Variants in LZTR1 observed in about 807,000 individuals in gnomAD.
The protein encoded by LZTR1 is leucine-zipper-like transcriptional regulator 1.
LZTR1 carries 260 observed loss-of-function variants against 105.7 expected under a neutral mutation model. The ratio of observed to expected loss-of-function variants is 2.46; its 90% confidence interval spans 2.22 to 2.72. The LOEUF is 2.72. LZTR1 is among the 30% of genes most tolerant of loss of function. The pLI is 0.00. For synonymous variants in LZTR1, 490 were observed against 476.4 expected (o/e 1.03, Z -0.37); for missense variants, 1,214 against 1,166.9 (o/e 1.04, Z -0.59).
At chr22:20,988,916 G>A (rs1223356166) in intron 6 of LZTR1, 44 bp downstream of exon 6, 1 of 1,553,706 alleles carries the variant, frequency 6.4e-7, no homozygotes, top group Admixed American at 1.7e-5. Flanking sequence ...CGACAGCACT[G>A]AGACCCGGAG....
In LZTR1 at chr22:20,997,582, T is replaced by C. The variant is rs1178515280; in HGVS notation, c.*234T>C. The C allele has an allele frequency of 2.1e-6, 1 of 483,320 alleles. No individual in the cohort carries two copies. Among genetic ancestry groups the C allele is most frequent in the Non-Finnish European group, 3.8e-6 (1 of 263,288 alleles). 29.9% of individuals were successfully genotyped at this position (483,320 alleles called of 1,614,324 possible). On this transcript the variant is annotated 3_prime_UTR_variant, in exon 21 of 21. Transcript: ENST00000646124. ...TGATGAAGCAGACCCCCTCCTGTCATCACCCTCTCCTGGTGTAGTGTGGAT... is the reference window on the plus strand; with the variant it reads ...TGATGAAGCAGACCCCCTCCTGTCACCACCCTCTCCTGGTGTAGTGTGGAT...
chr22:20,996,511 G>A (rs897055135), intron 18 of LZTR1, 185 bp from the exon 19 acceptor site: 7 of 611,512 alleles, frequency 1.1e-5, no homozygotes, highest in East Asian at 5.5e-5. Context: ...TATTTTTCTC[G>A]GGAGGGGATT....
Position 20,982,464 on chromosome 22 carries a change from C to A in LZTR1, c.93C>A (p.Asp31Glu). Residue 31 changes from aspartate (D) to glutamate (E), a missense_variant, in exon 1 of 21, where the codon GAC (aspartate) becomes GAA (glutamate). Coordinates refer to ENST00000646124, the MANE Select transcript of LZTR1 (RefSeq NM_006767.4). Reference sequence around the variant, plus strand: ...AGGTAGCCCCGAGCGTGGACTTCGACCATAGCTGCTCGGACAGTGTCGAGT... The same window carrying A: ...AGGTAGCCCCGAGCGTGGACTTCGAACATAGCTGCTCGGACAGTGTCGAGT... ...RSKVAPSVDFDHSCSDSVEYL... is the reference protein window; with the variant it reads ...RSKVAPSVDFEHSCSDSVEYL... 1 of 1,607,776 alleles carries A rather than the reference C, an allele frequency of 6.2e-7. No homozygotes were observed. The highest frequency in any genetic ancestry group is 8.5e-7 in the Non-Finnish European group (1 of 1,177,278).
In LZTR1 at chr22:20,983,203, G is replaced by A. The variant is rs1345125963; in HGVS notation, c.263+114G>A. The A allele has an allele frequency of 3.0e-5, 27 of 907,998 alleles. No homozygotes were observed. The East Asian group carries it at 6.3e-4, about 21-fold the overall frequency. The allele number at this position is 907,998 out of a possible 1,614,324, so 56.2% of individuals were successfully genotyped here. A position where few individuals can be genotyped will look rare whatever the true frequency, so the allele number is the denominator to read the frequency against. On this transcript the variant is annotated intron_variant, in intron 2 of 20. Transcript: ENST00000646124. ...TTCAGATGCTAGCTGGTGCCTCTAA[G>A]CTTCAGTTTCCCCATCTGTGAGATT...
chr22:20,992,442 T>C, intron 10 of LZTR1, 73 bp downstream of exon 10: 1 of 1,454,388 alleles, frequency 6.9e-7, no homozygotes, highest in Non-Finnish European at 9.3e-7. Flanking sequence ...CTCTCACACA[T>C]GGGGAGACTG....
At chr22:20,987,456 C>T in intron 3 of LZTR1, 48 bp from the exon 4 acceptor site, 2 of 1,116,938 alleles carry the variant, frequency 1.8e-6, no homozygotes, top group Non-Finnish European at 2.8e-6. Context: ...GGGTGTGGAC[C>T]TCATGGGTGA....
Position 20,982,542 on chromosome 22 carries a change from C to A in LZTR1, c.171C>A (p.Leu57=). 1 of 1,612,780 alleles carries A rather than the reference C, an allele frequency of 6.2e-7. No individual in the cohort carries two copies. Among genetic ancestry groups the A allele is most frequent in the Non-Finnish European group, 8.5e-7 (1 of 1,179,652 alleles). The change falls in exon 1 of 21, where the codon CTC becomes CTA. Residue 57 remains leucine (L), a synonymous_variant. Coordinates refer to ENST00000646124, the MANE Select transcript of LZTR1 (RefSeq NM_006767.4). ...PFETVHRWRR[L]PPCDEFVGAR... ...AAACAGTGCATCGCTGGCGGCGCCT[C>A]CCGCCCTGCGACGAGTTCGTGGGTG...
chr22:20,997,217 C>G lies in LZTR1; in HGVS notation c.2407-15C>G, dbSNP rs753337651. ...GGATCTGGTCCCATCTCCTTCCGGC[C>G]TGCTTGCCTTACAGGTCTCCAAGTT... On this transcript the variant is annotated splice_polypyrimidine_tract_variant and intron_variant, in intron 20 of 20. Transcript: ENST00000646124. The G allele has an allele frequency of 1.3e-6, 2 of 1,573,962 alleles. No homozygotes were observed. The highest frequency in any genetic ancestry group is 1.7e-5 in the Admixed American group (1 of 59,986).
intron 18 of LZTR1, chr22:20,996,398 G>T: frequency 5.1e-6 from 3 of 593,732 alleles, no homozygotes; most frequent in Non-Finnish European, 9.0e-6. Flanking sequence ...GCACAGACAT[G>T]GAGGTACTCC....
intron 2 of LZTR1, among the ~76,000 whole-genome samples, chr22:20,984,523 T>C (rs1346687348): frequency 7.2e-6 from 1 of 139,460 alleles, no homozygotes; most frequent in African/African-American, 2.6e-5. Context: ...AGAAATAGGA[T>C]ACAAATTTGT....
At chr22:20,990,183 C>T (rs933734864) in intron 7 of LZTR1, among the ~76,000 whole-genome samples, 5 of 152,132 alleles carry the variant, frequency 3.3e-5, no homozygotes, top group South Asian at 2.1e-4. Context: ...TTAACCCTGA[C>T]GATTTTAACC....
intron 3 of LZTR1, 36 bp from the exon 4 acceptor site, chr22:20,987,468 C>T: frequency 7.8e-7 from 1 of 1,276,340 alleles, no homozygotes; most frequent in Non-Finnish European, 1.1e-6. Context: ...CATGGGTGAC[C>T]CCCGCTGACT....
chr22:20,990,740 G>A, intron 8 of LZTR1: 4 of 545,816 alleles, frequency 7.3e-6, no homozygotes, highest in Non-Finnish European at 1.3e-5. Flanking sequence ...CTGGCGAGGA[G>A]GCCCCTGGCT....
At position 20,997,554 on chromosome 22, in the gene LZTR1, G is replaced by A. The variant is rs760099684; in HGVS notation, c.*206G>A. 1.3e-5 allele frequency: 7 copies of A among 537,894 alleles called. No homozygotes were observed. Among genetic ancestry groups the A allele is most frequent in the Non-Finnish European group, 2.0e-5 (6 of 297,442 alleles). 33.3% of individuals were successfully genotyped at this position (537,894 alleles called of 1,614,324 possible). On this transcript the variant is annotated 3_prime_UTR_variant, in exon 21 of 21. Coordinates refer to ENST00000646124, the MANE Select transcript of LZTR1 (RefSeq NM_006767.4). Reference sequence around the variant, plus strand: ...TGAAGACACAGGTCCCACAGGGAGCGGATGATGAAGCAGACCCCCTCCTGT... The same window carrying A: ...TGAAGACACAGGTCCCACAGGGAGCAGATGATGAAGCAGACCCCCTCCTGT...
At chr22:20,988,232 G>A in intron 5 of LZTR1, 114 bp downstream of exon 5, 1 of 673,618 alleles carries the variant, frequency 1.5e-6, no homozygotes, top group Non-Finnish European at 2.7e-6. Context: ...CAATAGCAGG[G>A]AGCTTGGGAT....
At position 20,996,074 on chromosome 22, in the gene LZTR1, C is replaced by T; in HGVS notation, c.2181C>T (p.Ile727=). Residue 727 remains isoleucine, a synonymous_variant, in exon 18 of 21, where the codon ATC becomes ATT. Transcript: ENST00000646124. ...RQAFESMLRY[I]YYGEVNMPPE... ...CCTTCGAGTCCATGCTGCGCTACAT[C>T]TACTACGGCGAGGTCAACATGCCGC... 1 of 1,613,292 alleles carries T rather than the reference C, an allele frequency of 6.2e-7. No individual in the cohort carries two copies. The highest frequency in any genetic ancestry group is 8.5e-7 in the Non-Finnish European group (1 of 1,180,002).
Position 20,998,778 on chromosome 22 carries a change from G to C in LZTR1, c.*1430G>C, listed in dbSNP as rs2147972608. 1 of 149,204 alleles carries C rather than the reference G, an allele frequency of 6.7e-6. No individual in the cohort carries two copies. 9.2% of individuals were successfully genotyped at this position (149,204 alleles called of 1,614,324 possible). On this transcript the variant is annotated 3_prime_UTR_variant, in exon 21 of 21. Transcript: ENST00000646124. ...GTCAGCACCTGGAAGTGGAGTGCAG[G>C]CTGCAGCGCCCAGCCATGTGGGCCA... is the stretch of plus-strand genomic sequence containing the variant.
In LZTR1 at chr22:20,982,453, G is replaced by T; in HGVS notation, c.82G>T (p.Val28Leu). 1 of 1,600,616 alleles carries T rather than the reference G, an allele frequency of 6.2e-7. No individual in the cohort carries two copies. The highest frequency in any genetic ancestry group is 8.5e-7 in the Non-Finnish European group (1 of 1,173,592). Residue 28 changes from valine (V) to leucine (L), a missense_variant, in exon 1 of 21, where the codon GTG (valine) becomes TTG (leucine). Transcript: ENST00000646124. ...CGCGCGGTCCAAGGTAGCCCCGAGC[G>T]TGGACTTCGACCATAGCTGCTCGGA... ...GGARSKVAPS[V>L]DFDHSCSDSV...
In LZTR1 at chr22:20,982,704, G is replaced by C. The variant is rs1010464848; in HGVS notation, c.200+133G>C. On this transcript the variant is annotated intron_variant, in intron 1 of 20. Transcript: ENST00000646124. ...TAATGAGGTGGATGGTGCTGTACAG[G>C]ACGCTGTTCAGGGCAGGGGAGAGGG... 3.4e-6 allele frequency: 3 copies of C among 895,302 alleles called. No individual in the cohort carries two copies. The African/African-American group carries it at 4.9e-5, about 15-fold the overall frequency. The allele number at this position is 895,302 out of a possible 1,614,324, so 55.5% of individuals were successfully genotyped here. A position where few individuals can be genotyped will look rare whatever the true frequency, so the allele number is the denominator to read the frequency against.
Sources: gnomAD v4.1 joint callset for allele counts (sites outside exome capture counted in the v4.1 genomes callset) on GRCh38, gnomAD v4.1.1 for gene constraint, MANE v1.5 for transcripts, NCBI Gene and HGNC (gene_info 2026-07-23, HGNC 2026-07-21) for gene names.